The following FER variants were observed in gnomAD, a reference collection of about 807,000 sequenced individuals.
FER encodes tyrosine-protein kinase Fer.
A neutral mutation model predicts 111.0 loss-of-function variants in FER; 63 were observed. The ratio of observed to expected loss-of-function variants is 0.57; its 90% CI spans 0.46 to 0.70. The LOEUF (loss-of-function observed/expected upper bound fraction) is 0.70, where lower values mean the gene tolerates loss of function less well. Ranked by LOEUF, FER falls within the 30% of genes least tolerant of loss-of-function variation. FER has a pLI of 0.00. For synonymous variants in FER, 327 were observed against 313.9 expected (o/e 1.04, Z -0.44); for missense variants, 914 against 954.0 (o/e 0.96, Z 0.55).
intron 9 of FER, among the ~76,000 whole-genome samples, chr5:108,896,217 A>G (rs1036589538): frequency 1.3e-5 from 2 of 151,980 alleles, no homozygotes; most frequent in African/African-American, 4.8e-5. Context: ...TGGAAGCTTT[A>G]AGTACATAAT....
chr5:109,158,105 G>T (rs906233299), intron 17 of FER, among the ~76,000 whole-genome samples: 1 of 151,982 alleles, frequency 6.6e-6, no homozygotes, highest in Admixed American at 6.6e-5. Flanking sequence ...GGCTGGGCAC[G>T]GTGGCTCATG....
At chr5:109,094,771 C>T (rs1381798766) in intron 16 of FER, among the ~76,000 whole-genome samples, 1 of 152,116 alleles carries the variant, frequency 6.6e-6, no homozygotes, top group African/African-American at 2.4e-5. Flanking sequence ...AGACACTTAG[C>T]CTTAGAATTT....
intron 1 of FER, among the ~76,000 whole-genome samples, chr5:108,766,305 C>G (rs1752318280): frequency 6.6e-6 from 1 of 152,098 alleles, no homozygotes; most frequent in South Asian, 2.1e-4. Flanking sequence ...CTTGTTGATG[C>G]CTTACTTTAC....
chr5:109,058,700 CTTTTTCT>C (rs1561839682), intron 16 of FER, among the ~76,000 whole-genome samples: 6 of 91,260 alleles, frequency 6.6e-5, no homozygotes, highest in Admixed American at 2.0e-4. Flanking sequence ...GTGCTATCTT[CTTTTTCT>C]TTTTCTTTCT....
At chr5:109,133,384 C>T (rs1255449525) in intron 17 of FER, among the ~76,000 whole-genome samples, 3 of 151,910 alleles carry the variant, frequency 2.0e-5, no homozygotes, top group Non-Finnish European at 4.4e-5. Flanking sequence ...AAAGTAACAG[C>T]CAAAATTACT....
intron 17 of FER, among the ~76,000 whole-genome samples, chr5:109,130,761 C>T (rs1224285981): frequency 1.3e-5 from 2 of 151,978 alleles, no homozygotes; most frequent in Non-Finnish European, 2.9e-5. Flanking sequence ...TTCAGCTGTT[C>T]AGCAATCATA....
At chr5:108,995,534 G>A (rs900809229) in intron 13 of FER, among the ~76,000 whole-genome samples, 3 of 151,164 alleles carry the variant, frequency 2.0e-5, no homozygotes, top group African/African-American at 4.9e-5. Context: ...TTCTGTTCTT[G>A]TGTTAGTTTG....
At chr5:108,992,643 C>T (rs1490676813) in intron 13 of FER, among the ~76,000 whole-genome samples, 2 of 145,400 alleles carry the variant, frequency 1.4e-5, no homozygotes, top group Non-Finnish European at 3.1e-5. Context: ...GACCACCCCA[C>T]CTCCCTCCCG....
At chr5:109,107,852 A>C (rs1582061554) in intron 17 of FER, among the ~76,000 whole-genome samples, 1 of 152,148 alleles carries the variant, frequency 6.6e-6, no homozygotes, top group Non-Finnish European at 1.5e-5. Context: ...CCCTCAAATG[A>C]CATTTAGGCT....
At chr5:108,834,527 G>A (rs1484512681) in intron 4 of FER, among the ~76,000 whole-genome samples, 1 of 151,774 alleles carries the variant, frequency 6.6e-6, no homozygotes, top group Non-Finnish European at 1.5e-5. Context: ...GTGAAACCCC[G>A]TCTCTACTAA....
At chr5:108,760,594 T>C (rs1489361895) in intron 1 of FER, among the ~76,000 whole-genome samples, 3 of 152,174 alleles carry the variant, frequency 2.0e-5, no homozygotes, top group Non-Finnish European at 4.4e-5. Flanking sequence ...ACCTTGCACT[T>C]TTATGTTGAG....
At chr5:109,160,321 A>C (rs1046713942) in intron 17 of FER, among the ~76,000 whole-genome samples, 18 of 152,328 alleles carry the variant, frequency 1.2e-4, no homozygotes, top group African/African-American at 4.3e-4. Context: ...CATCCTGTCC[A>C]CCAGGAAACC....
intron 16 of FER, among the ~76,000 whole-genome samples, chr5:109,060,961 T>G (rs1345359033): frequency 6.6e-6 from 1 of 152,138 alleles, no homozygotes; most frequent in African/African-American, 2.4e-5. Flanking sequence ...GAACTTTAAC[T>G]CAGACTGAAC....
At chr5:109,101,569 A>G (rs1316137957) in intron 17 of FER, among the ~76,000 whole-genome samples, 1 of 152,106 alleles carries the variant, frequency 6.6e-6, no homozygotes, top group Non-Finnish European at 1.5e-5. Flanking sequence ...AACTATAATT[A>G]TGACCTGTAT....
At chr5:109,184,827 T>TAC (rs1758683833) in intron 18 of FER, among the ~76,000 whole-genome samples, 1 of 152,230 alleles carries the variant, frequency 6.6e-6, no homozygotes, top group South Asian at 2.1e-4. Flanking sequence ...ATAGCAGGCA[T>TAC]ACTCTGGTTT....
chr5:109,070,430 C>T lies in FER; in HGVS notation c.1924+23232C>T, dbSNP rs111284816. Among the ~76,000 whole-genome samples, 778 of 151,996 alleles carry T rather than the reference C, an allele frequency of 5.1e-3. 8 individuals are homozygous for T. The highest frequency in any genetic ancestry group is 7.7e-3 in the South Asian group (37 of 4,818). On this transcript the variant is annotated intron_variant, in intron 16 of 19. Transcript: ENST00000281092. ...TTTGGTGATGAGTATACCTACCTTT[C>T]CTTAGAAGATAATCGACTTTGGAAA...
At chr5:109,174,658 A>G (rs1225894482) in intron 17 of FER, among the ~76,000 whole-genome samples, 1 of 152,130 alleles carries the variant, frequency 6.6e-6, no homozygotes, top group Non-Finnish European at 1.5e-5. Context: ...ACAGATTTTT[A>G]TATGTGTATT....
At chr5:109,111,956 A>G (rs1402669334) in intron 17 of FER, among the ~76,000 whole-genome samples, 1 of 152,140 alleles carries the variant, frequency 6.6e-6, no homozygotes, top group African/African-American at 2.4e-5. Context: ...TGGTGTGCCT[A>G]TTTTTACTTC....
chr5:108,916,556 C>A (rs1195773207), intron 10 of FER, among the ~76,000 whole-genome samples: 1 of 152,004 alleles, frequency 6.6e-6, no homozygotes, highest in Admixed American at 6.6e-5. Flanking sequence ...CTTCAATTAT[C>A]TATTAATTAT....
Sources: allele counts gnomAD v4.1 joint callset (sites outside exome capture counted in the v4.1 genomes callset), GRCh38; gene constraint gnomAD v4.1.1; transcripts MANE v1.5; gene names NCBI Gene and HGNC (gene_info 2026-07-23, HGNC 2026-07-21).